CENPP: variants seen among roughly 807,000 people sequenced by gnomAD.
CENPP encodes centromere protein P.
Under a neutral mutation model 35.6 loss-of-function variants are expected in CENPP, and 24 were observed. That is an observed-to-expected ratio of 0.67 (90% CI 0.49 to 0.95). The LOEUF is 0.95. Ranked by LOEUF, CENPP falls within the 40% of genes least tolerant of loss-of-function variation. The pLI, the probability that CENPP is intolerant of heterozygous loss-of-function variation, is 0.00. For synonymous variants in CENPP, 120 were observed against 125.5 expected, an observed-to-expected ratio of 0.96 and a Z score of 0.29; for missense variants, 332 against 345.3, an observed-to-expected ratio of 0.96 and a Z score of 0.31.
chr9:92,332,507 C>T (rs369459433), intron 2 of CENPP, among the ~76,000 whole-genome samples, 156 bp downstream of exon 2: 8 of 152,292 alleles, frequency 5.3e-5, no homozygotes, highest in East Asian at 3.9e-4. Flanking sequence ...TTGAACATCA[C>T]GGTGTTCAAA....
intron 5 of CENPP, among the ~76,000 whole-genome samples, chr9:92,604,992 C>CT (rs1359951166): frequency 6.6e-6 from 1 of 151,436 alleles, no homozygotes; most frequent in Admixed American, 6.6e-5. Flanking sequence ...CTTATGTGTC[C>CT]TTTTTTTGAG....
rs1189624059 is a variant in CENPP at position 92,415,811 on chromosome 9, A to G, written c.564+35952A>G. Among the ~76,000 whole-genome samples, 8 of 147,326 alleles carry G rather than the reference A, an allele frequency of 5.4e-5. No individual in the cohort carries two copies. In the Admixed American group the frequency reaches 5.5e-4, roughly 10 times the overall value. On this transcript the variant is annotated intron_variant, in intron 5 of 7. Coordinates refer to ENST00000375587, the MANE Select transcript of CENPP (RefSeq NM_001012267.3). Reference sequence around the variant, plus strand: ...TTATTTCTCTCTTTTATATATATACATATATAAAACTGACAATTTATACAT... The same window carrying G: ...TTATTTCTCTCTTTTATATATATACGTATATAAAACTGACAATTTATACAT...
chr9:92,396,744 T>C (rs1032318483), intron 5 of CENPP, among the ~76,000 whole-genome samples: 2 of 152,120 alleles, frequency 1.3e-5, no homozygotes, highest in East Asian at 3.9e-4. Flanking sequence ...CTTGGTTAAA[T>C]TTTTTGTAGA....
chr9:92,482,981 T>G (rs12378430), intron 5 of CENPP, among the ~76,000 whole-genome samples: 1 of 152,066 alleles, frequency 6.6e-6, no homozygotes, highest in Non-Finnish European at 1.5e-5. Context: ...CTCCATGAAC[T>G]GCTCCCTGGA....
At chr9:92,554,786 T>C (rs1849685908) in intron 5 of CENPP, among the ~76,000 whole-genome samples, 2 of 151,358 alleles carry the variant, frequency 1.3e-5, no homozygotes, top group Admixed American at 6.6e-5. Flanking sequence ...TACAGGCGCC[T>C]GCCACTGCGC....
chr9:92,495,476 A>G, intron 5 of CENPP: 1 of 984,592 alleles, frequency 1.0e-6, no homozygotes, highest in Non-Finnish European at 1.2e-6. Context: ...AAATTTATAC[A>G]TTAGATTTAC....
chr9:92,455,188 A>G (rs1007048767), intron 5 of CENPP, among the ~76,000 whole-genome samples: 1 of 152,184 alleles, frequency 6.6e-6, no homozygotes, highest in Non-Finnish European at 1.5e-5. Context: ...ACTTGAAGCC[A>G]GGAGTTCAAT....
intron 5 of CENPP, among the ~76,000 whole-genome samples, chr9:92,548,661 G>A (rs933932864): frequency 4.6e-5 from 7 of 152,190 alleles, no homozygotes; most frequent in Non-Finnish European, 8.8e-5. Flanking sequence ...ATATCAAGTA[G>A]TTAAGAATGA....
intron 6 of CENPP, among the ~76,000 whole-genome samples, chr9:92,611,647 A>G (rs576718955): frequency 6.6e-6 from 1 of 152,240 alleles, no homozygotes; most frequent in South Asian, 2.1e-4. Flanking sequence ...GGGTCAAGGA[A>G]GGGAGGCTGG....
chr9:92,516,071 TTC>T (rs1491473158), intron 5 of CENPP, among the ~76,000 whole-genome samples: 2 of 140,330 alleles, frequency 1.4e-5, no homozygotes, highest in Non-Finnish European at 3.2e-5. Context: ...ATACTTTTTT[TTC>T]CCCCCCCCGA....
At chr9:92,540,954 A>AT (rs1450068243) in intron 5 of CENPP, among the ~76,000 whole-genome samples, 2 of 151,686 alleles carry the variant, frequency 1.3e-5, no homozygotes, top group Non-Finnish European at 2.9e-5. Context: ...AAAGTTGGGG[A>AT]TTTTTTCTTT....
chr9:92,585,368 A>G (rs1366290334), intron 5 of CENPP, among the ~76,000 whole-genome samples: 1 of 152,212 alleles, frequency 6.6e-6, no homozygotes, highest in African/African-American at 2.4e-5. Context: ...TAGAGAATCA[A>G]AAGTCTGGCT....
At chr9:92,382,742 A>G (rs528379988) in intron 5 of CENPP, among the ~76,000 whole-genome samples, 144 of 152,198 alleles carry the variant, frequency 9.5e-4, no homozygotes, top group Middle Eastern at 3.4e-3. Context: ...TCCCAGCACC[A>G]TTGTTGAAGA....
rs529645430 is a variant in CENPP, at chr9:92,373,301, C to A, written c.468-6462C>A. Among the ~76,000 whole-genome samples the A allele has an allele frequency of 7.9e-5, 12 of 151,962 alleles. No individual in the cohort carries two copies. In the East Asian group the frequency reaches 2.1e-3, roughly 27 times the overall value. On this transcript the variant is annotated intron_variant, in intron 4 of 7. Coordinates refer to ENST00000375587, the MANE Select transcript of CENPP (RefSeq NM_001012267.3). ...ATATATATTAACGACTGGGCTATACCAACATACCTGTTTTCAGGTTTTGAG... is the reference window on the plus strand; with the variant it reads ...ATATATATTAACGACTGGGCTATACAAACATACCTGTTTTCAGGTTTTGAG...
intron 5 of CENPP, among the ~76,000 whole-genome samples, chr9:92,470,297 G>A (rs1845465003): frequency 6.6e-6 from 1 of 152,142 alleles, no homozygotes; most frequent in Non-Finnish European, 1.5e-5. Flanking sequence ...GAGATTTGTG[G>A]TGTCTTAACA....
chr9:92,521,226 A>G (rs979086300), intron 5 of CENPP, among the ~76,000 whole-genome samples: 3 of 152,252 alleles, frequency 2.0e-5, no homozygotes, highest in African/African-American at 4.8e-5. Flanking sequence ...TTTAGTACAT[A>G]TAAAAACTTT....
chr9:92,565,308 A>G (rs1198352930), intron 5 of CENPP, among the ~76,000 whole-genome samples: 2 of 150,712 alleles, frequency 1.3e-5, no homozygotes, highest in Non-Finnish European at 3.0e-5. Flanking sequence ...AAAAAAAAAA[A>G]AAAAAAAAAA....
chr9:92,512,438 A>G (rs907538136), intron 5 of CENPP, among the ~76,000 whole-genome samples: 2 of 152,344 alleles, frequency 1.3e-5, no homozygotes, highest in East Asian at 3.9e-4. Context: ...AACATTGTAC[A>G]TTTACAACAA....
At chr9:92,425,436 T>C (rs1234974063) in intron 5 of CENPP, among the ~76,000 whole-genome samples, 1 of 152,238 alleles carries the variant, frequency 6.6e-6, no homozygotes, top group African/African-American at 2.4e-5. Flanking sequence ...CTCTCCTGAA[T>C]AGTAACAGTT....
Sources: allele counts gnomAD v4.1 joint callset (sites outside exome capture counted in the v4.1 genomes callset), GRCh38; gene constraint gnomAD v4.1.1; transcripts MANE v1.5; gene names NCBI Gene and HGNC (gene_info 2026-07-23, HGNC 2026-07-21).